AACS: variants seen among roughly 807,000 people sequenced by gnomAD.
AACS encodes acetoacetate-CoA ligase.
A neutral mutation model predicts 83.1 loss-of-function variants in AACS; 69 were observed. The observed-to-expected ratio is 0.83, with a 90% CI of 0.68 to 1.01. The LOEUF (loss-of-function observed/expected upper bound fraction) is 1.01. AACS is among the 50% of genes least tolerant of loss of function. AACS has a pLI of 0.00. For missense variants in AACS, 866 were observed against 882.2 expected, an observed-to-expected ratio of 0.98 and a Z score of 0.23; for synonymous variants, 333 against 343.4, an observed-to-expected ratio of 0.97 and a Z score of 0.33.
intron 7 of AACS, among the ~76,000 whole-genome samples, chr12:125,104,718 C>A (rs1180164493): frequency 6.6e-6 from 1 of 152,208 alleles, no homozygotes; most frequent in African/African-American, 2.4e-5. Context: ...AGGTTCAGCT[C>A]TCAGCTGTGT....
In AACS at chr12:125,142,103, C is replaced by T. The variant is rs201935816; in HGVS notation, c.1893C>T (p.Asn631=). ...LETKGIPYTL[N]GKKVEVAVKQ... ...CCTTTCCCTCGCAGTATACGCTCAA[C>T]GGCAAGAAAGTGGAAGTTGCCGTCA... The change falls in exon 18 of 18, where the codon AAC becomes AAT. Residue 631 remains asparagine, a synonymous_variant. Coordinates refer to ENST00000316519, the MANE Select transcript of AACS (RefSeq NM_023928.5). 2.3e-5 allele frequency: 37 copies of T among 1,614,046 alleles called. No individual in the cohort carries two copies. The highest frequency in any genetic ancestry group is 1.2e-4 in the South Asian group (11 of 91,056).
At position 125,136,759 on chromosome 12, in the gene AACS, G is replaced by A; in HGVS notation, c.1776G>A (p.Gly592=). 6.2e-7 allele frequency: 1 copy of A among 1,614,152 alleles called. No individual in the cohort carries two copies. Among genetic ancestry groups the A allele is most frequent in the Admixed American group, 1.7e-5 (1 of 60,032 alleles). The part of the protein sequence containing the change: ...RVILFLKMAS[G]HAFQPDLVKR... Reference sequence around the variant, plus strand: ...TCCTCTTCCTGAAGATGGCCTCCGGGCACGCCTTCCAGCCTGACTTGGTTA... The same window carrying A: ...TCCTCTTCCTGAAGATGGCCTCCGGACACGCCTTCCAGCCTGACTTGGTTA... Residue 592 remains glycine (G), a synonymous_variant, in exon 17 of 18, where the codon GGG becomes GGA. Transcript: ENST00000316519.
chr12:125,079,669 A>G (rs1335305023), intron 3 of AACS, among the ~76,000 whole-genome samples: 2 of 152,076 alleles, frequency 1.3e-5, no homozygotes, highest in Non-Finnish European at 2.9e-5. Context: ...GATTATAGGC[A>G]TGAGCCACTG....
intron 16 of AACS, 148 bp from the exon 17 acceptor site, chr12:125,136,514 T>A: frequency 1.6e-6 from 1 of 628,116 alleles, no homozygotes. Flanking sequence ...TCCAAGGCCC[T>A]TCTCCTGGGT....
Position 125,125,957 on chromosome 12 carries a change from ATT to A in AACS, c.1309+949_1309+950del, listed in dbSNP as rs34943168. 397 of 143,602 alleles carry A rather than the reference ATT, an allele frequency of 2.8e-3. 6 individuals are homozygous for A. The highest frequency in any genetic ancestry group is 2.0e-3 in the Admixed American group (29 of 14,430). The allele number at this position is 143,602 out of a possible 1,614,324, so 8.9% of individuals were successfully genotyped here. ...TGTATTATATGTGGATTCCAAGTGA[ATT>A]TTTTTTTTTTTTTTTGAGGTAGAGT... On this transcript the variant is annotated intron_variant, in intron 12 of 17. Transcript: ENST00000316519.
At chr12:125,079,836 C>G (rs1956125697) in intron 3 of AACS, among the ~76,000 whole-genome samples, 2 of 152,190 alleles carry the variant, frequency 1.3e-5, no homozygotes, top group Non-Finnish European at 2.9e-5. Flanking sequence ...AAAGGAAACC[C>G]CATACCAATT....
intron 7 of AACS, among the ~76,000 whole-genome samples, chr12:125,106,626 G>A (rs917178746): frequency 7.9e-5 from 12 of 152,254 alleles, no homozygotes; most frequent in South Asian, 4.1e-4. Context: ...TTCTCCCCAC[G>A]GGGGAAGCAT....
intron 8 of AACS, 114 bp downstream of exon 8, chr12:125,107,382 A>G (rs936238141): frequency 7.2e-7 from 1 of 1,383,000 alleles, no homozygotes; most frequent in Non-Finnish European, 9.8e-7. Flanking sequence ...ATCCCCGGAG[A>G]GTCCAACGTG....
Position 125,134,059 on chromosome 12 carries a change from A to G in AACS, c.1606A>G (p.Met536Val). The G allele has an allele frequency of 6.2e-7, 1 of 1,614,060 alleles. No individual in the cohort carries two copies. Among genetic ancestry groups the G allele is most frequent in the Admixed American group, 1.7e-5 (1 of 60,016 alleles). The change falls in exon 15 of 18, where the codon ATG (methionine) becomes GTG (valine). Residue 536 changes from methionine (M) to valine (V), a missense_variant. Coordinates refer to ENST00000316519, the MANE Select transcript of AACS (RefSeq NM_023928.5). The part of the protein sequence containing the change: ...RINPKTGGIV[M>V]LGRSDGTLNP... ...CAACCCCAAGACCGGGGGCATCGTCATGCTTGGCCGGAGGTAAGGGCTGCA... is the reference window on the plus strand; with the variant it reads ...CAACCCCAAGACCGGGGGCATCGTCGTGCTTGGCCGGAGGTAAGGGCTGCA...
intron 2 of AACS, 111 bp downstream of exon 2, chr12:125,074,090 A>T: frequency 1.1e-6 from 1 of 878,094 alleles, no homozygotes; most frequent in Non-Finnish European, 1.8e-6. Flanking sequence ...CCTCATGCAG[A>T]TGGGAAAAAG....
chr12:125,065,889 C>T (rs1266623484), intron 1 of AACS, among the ~76,000 whole-genome samples, 172 bp downstream of exon 1: 1 of 152,230 alleles, frequency 6.6e-6, no homozygotes, highest in Non-Finnish European at 1.5e-5. Flanking sequence ...CATCACCCCT[C>T]CACAGCACCT....
In AACS at chr12:125,129,764, G is replaced by A. The variant is rs1215010375; in HGVS notation, c.1549+304G>A. On this transcript the variant is annotated intron_variant, in intron 14 of 17. Coordinates refer to ENST00000316519, the MANE Select transcript of AACS (RefSeq NM_023928.5). The surrounding 1 kb of genome is among the most constrained non-coding windows in gnomAD (Gnocchi z 4.3). ...TGGCACGAGCCTCTGGTTTGCATGT[G>A]GGAGGGTGGAGGGTGTGGGGCTGAA... 6.6e-6 allele frequency among the ~76,000 whole-genome samples: 1 copy of A among 152,222 alleles called. No homozygotes were observed. Among genetic ancestry groups the A allele is most frequent in the Non-Finnish European group, 1.5e-5 (1 of 68,042 alleles).
intron 17 of AACS, 105 bp from the exon 18 acceptor site, chr12:125,141,987 G>A: frequency 1.4e-6 from 2 of 1,446,522 alleles, no homozygotes. Flanking sequence ...TTCACTCTTG[G>A]CACTCCAGGT....
chr12:125,085,418 C>T (rs1441699683), intron 3 of AACS, among the ~76,000 whole-genome samples: 1 of 152,206 alleles, frequency 6.6e-6, no homozygotes, highest in East Asian at 1.9e-4. Context: ...GTGCACCTTG[C>T]ATCCACGTCT....
intron 7 of AACS, among the ~76,000 whole-genome samples, chr12:125,103,904 C>T (rs1177592688): frequency 2.3e-5 from 3 of 129,912 alleles, no homozygotes; most frequent in Admixed American, 9.5e-5. Context: ...AGGAGAATGG[C>T]GTGAATCCGG....
chr12:125,125,602 G>A (rs1957234659), intron 12 of AACS: 3 of 152,570 alleles, frequency 2.0e-5, no homozygotes, highest in Admixed American at 2.0e-4. Context: ...ACCTTTTAGT[G>A]AGTAGGCAAA....
chr12:125,066,699 T>A (rs1473805540), intron 1 of AACS, among the ~76,000 whole-genome samples: 1 of 152,124 alleles, frequency 6.6e-6, no homozygotes, highest in East Asian at 1.9e-4. Context: ...TCCGATCGCC[T>A]TGGCCTCCCA....
At chr12:125,134,302 A>G (rs1453821283) in intron 15 of AACS, among the ~76,000 whole-genome samples, 1 of 152,106 alleles carries the variant, frequency 6.6e-6, no homozygotes, top group African/African-American at 2.4e-5. Flanking sequence ...TGCACACACC[A>G]TCCCTGGGCC....
At chr12:125,134,282 C>T (rs1286880350) in intron 15 of AACS, among the ~76,000 whole-genome samples, 1 of 152,230 alleles carries the variant, frequency 6.6e-6, no homozygotes, top group Non-Finnish European at 1.5e-5. Flanking sequence ...TTTCCCCACC[C>T]CTGTGCCTGT....
Sources: allele counts gnomAD v4.1 joint callset (sites outside exome capture counted in the v4.1 genomes callset), GRCh38; gene constraint gnomAD v4.1.1; non-coding constraint Gnocchi (gnomAD v3.1); transcripts MANE v1.5; gene names NCBI Gene and HGNC (gene_info 2026-07-23, HGNC 2026-07-21).